The following FOLR3 variants were observed in gnomAD, a reference collection of about 807,000 sequenced individuals.
FOLR3 encodes folate receptor 3 (gamma).
In FOLR3, 9 loss-of-function variants were observed where a neutral mutation model predicts 20.0. The observed-to-expected ratio is 0.45, with a 90% confidence interval of 0.27 to 0.79. The LOEUF (loss-of-function observed/expected upper bound fraction) is 0.79, where lower values mean the gene tolerates loss of function less well. Ranked by LOEUF, FOLR3 falls within the 30% of genes least tolerant of loss-of-function variation. The pLI is 0.15. For missense variants in FOLR3, 309 were observed against 323.5 expected (o/e 0.96, Z 0.34); for synonymous variants, 124 against 115.5 (o/e 1.07, Z -0.47).
Position 72,139,439 on chromosome 11 carries a change from C to T in FOLR3, c.450C>T (p.Tyr150=), listed in dbSNP as rs1441922358. The T allele has an allele frequency of 1.7e-5, 27 of 1,613,130 alleles. 1 individual carries two copies. Among genetic ancestry groups the T allele is most frequent in the African/African-American group, 2.7e-5 (2 of 74,926 alleles). Residue 150 remains tyrosine, a synonymous_variant, in exon 4 of 5, where the codon TAC becomes TAT. Coordinates refer to ENST00000611028, the MANE Select transcript of FOLR3 (RefSeq NM_000804.4). ...GGTGGGAGGACTGTCGCACCTCCTA[C>T]ACCTGCAAAAGCAACTGGCACAAAG... ...ERWWEDCRTS[Y]TCKSNWHKGW...
Position 72,138,092 on chromosome 11 carries a change from C to T in FOLR3, c.169-869C>T, listed in dbSNP as rs190165192. On this transcript the variant is annotated intron_variant, in intron 2 of 4. Transcript: ENST00000611028. ...GCTGAATAACATGAAATAGGCCGAA[C>T]GCGGTGACTCACGCCTGTAATCCCA... Among the ~76,000 whole-genome samples, 391 of 152,270 alleles carry T rather than the reference C, an allele frequency of 2.6e-3. 4 individuals are homozygous for T. Among genetic ancestry groups the T allele is most frequent in the Admixed American group, 5.9e-3 (90 of 15,300 alleles).
chr11:72,136,948 G>A (rs1303457321), intron 2 of FOLR3, among the ~76,000 whole-genome samples: 8 of 152,228 alleles, frequency 5.3e-5, no homozygotes, highest in Admixed American at 4.6e-4. Flanking sequence ...AAGGGGTCTT[G>A]CAGGAAGACC....
In FOLR3 at chr11:72,136,083, A is replaced by G; in HGVS notation, c.131A>G (p.Lys44Arg). 1.2e-6 allele frequency: 2 copies of G among 1,614,100 alleles called. No homozygotes were observed. Among genetic ancestry groups the G allele is most frequent in the Non-Finnish European group, 1.7e-6 (2 of 1,179,936 alleles). Residue 44 changes from lysine to arginine, a missense_variant, in exon 2 of 5, where the codon AAG becomes AGG. By Grantham distance (26) the Lys-to-Arg change is conservative (BLOSUM62 2). Coordinates refer to ENST00000611028, the MANE Select transcript of FOLR3 (RefSeq NM_000804.4). ...GTCTGCATGAACGCCAAGCACCACA[A>G]GACACAGCCCAGCCCCGAGGACGAG... Reference protein sequence around the residue: ...LNVCMNAKHHKTQPSPEDELY... With the variant: ...LNVCMNAKHHRTQPSPEDELY...
At position 72,138,943 on chromosome 11, in the gene FOLR3, T is replaced by C; in HGVS notation, c.169-18T>C. The C allele has an allele frequency of 6.2e-6, 10 of 1,613,526 alleles. No homozygotes were observed. The Admixed American group carries it at 1.3e-4, about 22-fold the overall frequency. On this transcript the variant is annotated intron_variant, in intron 2 of 4. Transcript: ENST00000611028. The stretch of plus-strand genomic sequence containing the variant: ...GCTGTGGTGGGGAGAGACTTAGTCC[T>C]GTGTCTTCCCCACCCAGTGCAGTCC...
At position 72,136,111 on chromosome 11, in the gene FOLR3, G is replaced by T; in HGVS notation, c.159G>T (p.Leu53=). The T allele has an allele frequency of 6.2e-7, 1 of 1,614,100 alleles. No homozygotes were observed. Among genetic ancestry groups the T allele is most frequent in the Non-Finnish European group, 8.5e-7 (1 of 1,179,940 alleles). The change falls in exon 2 of 5, where the codon CTG becomes CTT. Residue 53 remains leucine, a synonymous_variant. Transcript: ENST00000611028. ...CACAGCCCAGCCCCGAGGACGAGCT[G>T]TATGGCCAGGTGAGGGCAGCCTGGT... ...HKTQPSPEDE[L]YGQCSPWKKN...
At chr11:72,136,494 C>A (rs1243907767) in intron 2 of FOLR3, among the ~76,000 whole-genome samples, 2 of 151,610 alleles carry the variant, frequency 1.3e-5, no homozygotes, top group African/African-American at 4.9e-5. Context: ...TCCCAACATT[C>A]CATTTGCTTA....
intron 2 of FOLR3, among the ~76,000 whole-genome samples, chr11:72,137,051 G>A (rs1336492798): frequency 6.6e-6 from 1 of 152,220 alleles, no homozygotes; most frequent in Non-Finnish European, 1.5e-5. Flanking sequence ...GGGCCAGGGT[G>A]TGGGAGGTGG....
Position 72,139,108 on chromosome 11 carries a change from CTCTA to C in FOLR3, c.318_321del (p.Tyr107SerfsTer23). The C allele has an allele frequency of 6.7e-7, 1 of 1,494,688 alleles. No individual in the cohort carries two copies. The highest frequency in any genetic ancestry group is 2.5e-5 in the East Asian group (1 of 40,420). The allele number at this position is 1,494,688 out of a possible 1,614,324, so 92.6% of individuals were successfully genotyped here. Reference sequence around the variant, plus strand: ...GCGCCACTTTATCCAGGACAGCTGTCTCTATGAGTGCTCACCCAACCTGGGGCCC... The same window carrying C: ...GCGCCACTTTATCCAGGACAGCTGTCTGAGTGCTCACCCAACCTGGGGCCC... On this transcript the variant is annotated frameshift_variant, in exon 3 of 5. Coordinates refer to ENST00000611028, the MANE Select transcript of FOLR3 (RefSeq NM_000804.4). LOFTEE classifies it high-confidence loss of function.
At chr11:72,137,108 G>A (rs1202720761) in intron 2 of FOLR3, among the ~76,000 whole-genome samples, 1 of 152,130 alleles carries the variant, frequency 6.6e-6, no homozygotes, top group Non-Finnish European at 1.5e-5. Flanking sequence ...TTTCTCCTGG[G>A]TGCTCAGGCC....
intron 2 of FOLR3, among the ~76,000 whole-genome samples, chr11:72,136,486 C>T (rs902187817): frequency 6.6e-6 from 1 of 151,866 alleles, no homozygotes; most frequent in Non-Finnish European, 1.5e-5. Flanking sequence ...TGAGTCACTC[C>T]CAACATTCCA....
rs1947779067 is a variant in FOLR3, at chr11:72,139,004, G to T, written c.212G>T (p.Ser71Ile). 1.2e-6 allele frequency: 2 copies of T among 1,613,886 alleles called. No homozygotes were observed. Among genetic ancestry groups the T allele is most frequent in the African/African-American group, 1.3e-5 (1 of 74,902 alleles). ...AATGCCTGCTGCACGGCCAGCACCA[G>T]CCAGGAGCTGCACAAGGACACCTCC... is the stretch of plus-strand genomic sequence containing the variant. ...KKNACCTAST[S>I]QELHKDTSRL... is the part of the protein sequence containing the mutation. Residue 71 changes from serine to isoleucine, a missense_variant, in exon 3 of 5, where the codon AGC (serine) becomes ATC (isoleucine). By Grantham distance (142) the Ser-to-Ile change is moderately radical. Transcript: ENST00000611028.
At chr11:72,135,794 C>T in intron 1 of FOLR3, 26 bp downstream of exon 1, 1 of 799,494 alleles carries the variant, frequency 1.3e-6, no homozygotes, top group Non-Finnish European at 2.1e-6. Flanking sequence ...CCTCTCACCT[C>T]TACACGCAGC....
rs201489135 is a variant in FOLR3 at position 72,139,017 on chromosome 11, C to G, written c.225C>G (p.His75Gln). The stretch of plus-strand genomic sequence containing the variant: ...CGGCCAGCACCAGCCAGGAGCTGCA[C>G]AAGGACACCTCCCGCCTGTACAACT... ...CCTASTSQEL[H>Q]KDTSRLYNFN... Residue 75 changes from histidine (H) to glutamine (Q), a missense_variant, in exon 3 of 5, where the codon CAC (histidine) becomes CAG (glutamine). By Grantham distance (24) the His-to-Gln change is conservative. Coordinates refer to ENST00000611028, the MANE Select transcript of FOLR3 (RefSeq NM_000804.4). 2 of 1,613,974 alleles carry G rather than the reference C, an allele frequency of 1.2e-6. No individual in the cohort carries two copies. Among genetic ancestry groups the G allele is most frequent in the Non-Finnish European group, 1.7e-6 (2 of 1,179,882 alleles).
Position 72,135,755 on chromosome 11 carries a change from G to C in FOLR3, c.-20G>C. 1 of 622,814 alleles carries C rather than the reference G, an allele frequency of 1.6e-6. No individual in the cohort carries two copies. Among genetic ancestry groups the C allele is most frequent in the South Asian group, 1.9e-5 (1 of 52,000 alleles). 38.6% of individuals were successfully genotyped at this position (622,814 alleles called of 1,614,324 possible). A position where few individuals can be genotyped will look rare whatever the true frequency, so the allele number is the denominator to read the frequency against. On this transcript the variant is annotated 5_prime_UTR_variant, in exon 1 of 5. Transcript: ENST00000611028. ...CTGGACCTACAGCGCTGTTGGTGGA[G>C]GTCCTGCCTCCAGGTAGGGGAAGGG...
intron 3 of FOLR3, 66 bp from the exon 4 acceptor site, chr11:72,139,281 C>A: frequency 6.4e-7 from 1 of 1,572,964 alleles, no homozygotes; most frequent in Non-Finnish European, 8.6e-7. Flanking sequence ...CAGCTCTGGT[C>A]CCCTTCAAGG....
In FOLR3 at chr11:72,139,440, A is replaced by C; in HGVS notation, c.451A>C (p.Thr151Pro). 1 of 1,613,286 alleles carries C rather than the reference A, an allele frequency of 6.2e-7. No individual in the cohort carries two copies. The highest frequency in any genetic ancestry group is 2.2e-5 in the East Asian group (1 of 44,856). Residue 151 changes from threonine to proline, a missense_variant, in exon 4 of 5, where the codon ACC (threonine) becomes CCC (proline). Transcript: ENST00000611028. The part of the protein sequence containing the change: ...RWWEDCRTSY[T>P]CKSNWHKGWN... ...GTGGGAGGACTGTCGCACCTCCTAC[A>C]CCTGCAAAAGCAACTGGCACAAAGG...
intron 2 of FOLR3, among the ~76,000 whole-genome samples, chr11:72,136,738 G>T (rs181028605): frequency 6.6e-6 from 1 of 152,196 alleles, no homozygotes; most frequent in Non-Finnish European, 1.5e-5. Context: ...CCAGGAAATG[G>T]TGTGGATGTA....
chr11:72,139,732 GTT>G lies in FOLR3; in HGVS notation c.641_642del (p.Phe214Ter). 1 of 1,614,082 alleles carries G rather than the reference GTT, an allele frequency of 6.2e-7. No homozygotes were observed. Among genetic ancestry groups the G allele is most frequent in the Non-Finnish European group, 8.5e-7 (1 of 1,180,006 alleles). On this transcript the variant is annotated frameshift_variant, in exon 5 of 5. Coordinates refer to ENST00000611028, the MANE Select transcript of FOLR3 (RefSeq NM_000804.4). LOFTEE classifies it low-confidence loss of function (END_TRUNC). ...RGSGRCIQMW[F>X]DSAQGNPNEE... is the part of the protein sequence containing the mutation. Reference sequence around the variant, plus strand: ...GGAGCGGCCGCTGCATCCAGATGTGGTTTGACTCAGCCCAGGGCAACCCCAAT... The same window carrying G: ...GGAGCGGCCGCTGCATCCAGATGTGGTGACTCAGCCCAGGGCAACCCCAAT...
In FOLR3 at chr11:72,139,161, G is replaced by A; in HGVS notation, c.357+12G>A. On this transcript the variant is annotated intron_variant, in intron 3 of 4. Coordinates refer to ENST00000611028, the MANE Select transcript of FOLR3 (RefSeq NM_000804.4). ...CCTGGATCCGGCAGGTATGAGTGCT[G>A]TTCCCACAAACATTAACCTCAGCAG... 1 of 1,608,262 alleles carries A rather than the reference G, an allele frequency of 6.2e-7. No individual in the cohort carries two copies. The highest frequency in any genetic ancestry group is 1.3e-5 in the African/African-American group (1 of 74,930).
Sources: gnomAD v4.1 joint callset for allele counts (sites outside exome capture counted in the v4.1 genomes callset) on GRCh38, gnomAD v4.1.1 for gene constraint, MANE v1.5 for transcripts, NCBI Gene and HGNC (gene_info 2026-07-23, HGNC 2026-07-21) for gene names.